The following PRH1 variants were observed in gnomAD, a reference collection of about 807,000 sequenced individuals.
The protein encoded by PRH1 is proline rich protein HaeIII subfamily 1.
A neutral mutation model predicts 7.9 loss-of-function variants in PRH1; 7 were observed. That is an observed-to-expected ratio of 0.89 (90% confidence interval 0.50 to 1.67). PRH1 has a LOEUF of 1.67. Ranked by LOEUF, PRH1 falls within the 40% of genes most tolerant of loss-of-function variation. The pLI is 0.00. For missense variants in PRH1, 109 were observed against 223.6 expected (o/e 0.49, Z 3.27); for synonymous variants, 45 against 80.8 (o/e 0.56, Z 2.38).
intron 2 of PRH1, among the ~76,000 whole-genome samples, chr12:10,934,068 A>G (rs1279666415): frequency 6.6e-6 from 1 of 152,242 alleles, no homozygotes; most frequent in Admixed American, 6.5e-5. Flanking sequence ...CACAATGACC[A>G]GCTAGTAAAT....
intron 1 of PRH1, among the ~76,000 whole-genome samples, chr12:11,137,553 T>G (rs1946590868): frequency 6.6e-6 from 1 of 152,198 alleles, no homozygotes. Flanking sequence ...TGCTTTGTCT[T>G]TCTTACTAGG....
At chr12:10,972,932 A>ACACCCCCCCC (rs1938894305) in intron 2 of PRH1, among the ~76,000 whole-genome samples, 5 of 79,068 alleles carry the variant, frequency 6.3e-5, no homozygotes, top group Non-Finnish European at 1.0e-4. Context: ...ACCACAACCC[A>ACACCCCCCCC]CCCCCCCCGC....
Position 10,933,325 on chromosome 12 carries a change from A to T in PRH1, c.-59+40330T>A, listed in dbSNP as rs180760617. ...TATGATGAAATTTAATAGAGAATTC[A>T]CTCCTCCCAAAAGCACCTTCATGGA... On this transcript the variant is annotated intron_variant, in intron 2 of 3. Coordinates refer to the PRH1 transcript ENST00000539853. Among the ~76,000 whole-genome samples, 251 of 152,000 alleles carry T rather than the reference A, an allele frequency of 1.7e-3. 2 individuals are homozygous for T. Among genetic ancestry groups the T allele is most frequent in the Middle Eastern group, 3.4e-3 (1 of 294 alleles).
intron 2 of PRH1, among the ~76,000 whole-genome samples, chr12:10,922,724 C>T (rs1201274489): frequency 6.6e-6 from 1 of 150,540 alleles, no homozygotes; most frequent in Non-Finnish European, 1.5e-5. Context: ...TTTGTGGATT[C>T]TTCAGTTTCT....
At chr12:10,922,200 TCTTAA>T in intron 2 of PRH1, among the ~76,000 whole-genome samples, 1 of 152,342 alleles carries the variant, frequency 6.6e-6, no homozygotes, top group Admixed American at 6.5e-5. Flanking sequence ...ATTAGCTCCT[TCTTAA>T]CTTATTCACC....
chr12:10,898,276 T>G (rs747602193), intron 2 of PRH1, among the ~76,000 whole-genome samples: 1 of 152,070 alleles, frequency 6.6e-6, no homozygotes, highest in Non-Finnish European at 1.5e-5. Context: ...CCAATGGAGA[T>G]ATAATATAGG....
In PRH1 at chr12:11,082,892, T is replaced by A. The variant is rs1321094740; in HGVS notation, n.124-35704A>T. 1.7e-5 allele frequency among the ~76,000 whole-genome samples: 2 copies of A among 116,018 alleles called. 1 individual carries two copies. Among genetic ancestry groups the A allele is most frequent in the Non-Finnish European group, 4.1e-5 (2 of 49,066 alleles). 76.1% of individuals were successfully genotyped at this position (116,018 alleles called of 152,430 possible). On this transcript the variant is annotated intron_variant and non_coding_transcript_variant, in intron 1 of 4. Transcript: ENST00000541977. Reference sequence around the variant, plus strand: ...AGCATCACTAACAAGTTAAATTCTCTCAACTGCTTAATTTCATTCTCAGCT... The same window carrying A: ...AGCATCACTAACAAGTTAAATTCTCACAACTGCTTAATTTCATTCTCAGCT...
intron 2 of PRH1, among the ~76,000 whole-genome samples, chr12:10,903,494 C>T (rs544238902): frequency 6.0e-5 from 9 of 150,484 alleles, no homozygotes; most frequent in South Asian, 2.1e-4. Context: ...CTTGAAAAAA[C>T]GCTCAAATAA....
At chr12:11,030,678 T>A (rs1942152842) in intron 1 of PRH1, 1 of 1,614,098 alleles carries the variant, frequency 6.2e-7, no homozygotes, top group Admixed American at 1.7e-5. Context: ...ACCTTGGTGC[T>A]GGGATCTTGA....
intron 1 of PRH1, among the ~76,000 whole-genome samples, chr12:11,144,277 G>A (rs1163908181): frequency 6.6e-6 from 1 of 152,070 alleles, no homozygotes; most frequent in Non-Finnish European, 1.5e-5. Context: ...CTGCTGTGGG[G>A]GATGGGGATG....
intron 2 of PRH1, among the ~76,000 whole-genome samples, chr12:10,905,481 CATGGTG>C (rs1949789865): frequency 6.6e-6 from 1 of 152,144 alleles, no homozygotes; most frequent in East Asian, 1.9e-4. Context: ...GCCTGGCCAA[CATGGTG>C]AAACTCTGTC....
intron 1 of PRH1, among the ~76,000 whole-genome samples, chr12:11,019,496 C>T (rs369987578): frequency 1.3e-5 from 2 of 152,278 alleles, no homozygotes. Context: ...ATCACTTTTC[C>T]ATGCGTTTAT....
intron 1 of PRH1, among the ~76,000 whole-genome samples, chr12:11,125,304 T>G (rs1403050108): frequency 2.0e-5 from 3 of 152,304 alleles, no homozygotes; most frequent in African/African-American, 7.2e-5. Flanking sequence ...CAGCAAAGAA[T>G]ACTCTCTTGT....
intron 1 of PRH1, among the ~76,000 whole-genome samples, chr12:11,100,997 C>T (rs1268561675): frequency 6.6e-6 from 1 of 151,936 alleles, no homozygotes; most frequent in Non-Finnish European, 1.5e-5. Flanking sequence ...TATTTAATAT[C>T]CATCGTACTA....
chr12:11,056,289 AAT>A (rs1943359860), intron 1 of PRH1, among the ~76,000 whole-genome samples: 1 of 152,288 alleles, frequency 6.6e-6, no homozygotes, highest in Non-Finnish European at 1.5e-5. Context: ...TCTGTGTATG[AAT>A]AGTCAGTTGT....
At chr12:11,120,718 G>A (rs1945874277), downstream of PRH1, 1 of 151,950 alleles carries the variant, frequency 6.6e-6, no homozygotes, top group African/African-American at 2.4e-5. Context: ...TCCTATGGGT[G>A]TTATTTGATC....
Position 10,918,983 on chromosome 12 carries a change from T to C in PRH1, c.-58-34708A>G, listed in dbSNP as rs138358484. Among the ~76,000 whole-genome samples the C allele has an allele frequency of 5.4e-4, 82 of 152,330 alleles. No individual in the cohort carries two copies. In the East Asian group the frequency reaches 0.014, roughly 26 times the overall value. On this transcript the variant is annotated intron_variant, in intron 2 of 3. Coordinates refer to the PRH1 transcript ENST00000539853. ...TCAGAAATTCTTCCAGTCATGCTAT[T>C]AAATGCATTCATTTTAAATGTACTC... is the stretch of plus-strand genomic sequence containing the variant.
upstream of PRH1, chr12:11,171,532 T>A: frequency 8.1e-7 from 1 of 1,232,258 alleles, no homozygotes; most frequent in Non-Finnish European, 1.0e-6. Context: ...GGCTCGGTGA[T>A]CCTCAACATC....
At chr12:10,937,204 TTCTCTCTCTC>T (rs61659284) in intron 2 of PRH1, among the ~76,000 whole-genome samples, 21 of 147,294 alleles carry the variant, frequency 1.4e-4, no homozygotes, top group East Asian at 6.0e-4. Context: ...GCAATTTTAT[TTCTCTCTCTC>T]TCTCTCTCTC....
Sources: gnomAD v4.1 joint callset for allele counts (sites outside exome capture counted in the v4.1 genomes callset) on GRCh38, gnomAD v4.1.1 for gene constraint, MANE v1.5 for transcripts, NCBI Gene and HGNC (gene_info 2026-07-23, HGNC 2026-07-21) for gene names.